Variants in ERBB3 observed in about 807,000 individuals in gnomAD.
ERBB3 encodes receptor tyrosine-protein kinase erbB-3.
ERBB3 carries 96 observed loss-of-function variants against 156.7 expected under a neutral mutation model. The ratio of observed to expected loss-of-function variants is 0.61; its 90% confidence interval spans 0.52 to 0.73. The LOEUF (loss-of-function observed/expected upper bound fraction) is 0.73, where lower values mean the gene tolerates loss of function less well. Among genes scored for constraint, ERBB3 ranks in the 30% least tolerant of loss-of-function variants. ERBB3 has a pLI of 0.00. For missense variants in ERBB3, 1,406 were observed against 1,709.4 expected (o/e 0.82, Z 3.13); for synonymous variants, 567 against 632.0 (o/e 0.90, Z 1.54).
At chr12:56,086,707 C>T (rs1452835029) in intron 4 of ERBB3, 51 bp downstream of exon 4, 1 of 1,610,936 alleles carries the variant, frequency 6.2e-7, no homozygotes, top group African/African-American at 1.3e-5. Context: ...ACCAGAGTGA[C>T]TCCCTTCTTT....
rs1869082984 is a variant in ERBB3, at chr12:56,101,160, G to GT, written c.3302dup (p.Thr1102AsnfsTer4). 1 of 1,614,020 alleles carries GT rather than the reference G, an allele frequency of 6.2e-7. No homozygotes were observed. The highest frequency in any genetic ancestry group is 1.7e-5 in the Admixed American group (1 of 60,000). On this transcript the variant is annotated frameshift_variant, in exon 27 of 28. Coordinates refer to ENST00000267101, the MANE Select transcript of ERBB3 (RefSeq NM_001982.4). LOFTEE classifies it high-confidence loss of function. Reference sequence around the variant, plus strand: ...GGCATCAGAGTCATCAGAGGGGCATGTAACAGGCTCTGAGGCTGAGCTCCA... The same window carrying GT: ...GGCATCAGAGTCATCAGAGGGGCATGTTAACAGGCTCTGAGGCTGAGCTCCA...
chr12:56,096,756 G>A lies in ERBB3; in HGVS notation c.2184G>A (p.Trp728Ter). ...GVFGTVHKGV[W>*]IPEGESIKIP... ...TGCCCCAAACTTCCCAGGGAGTGTG[G>A]ATCCCTGAGGGTGAATCAATCAAGA... Residue 728 changes from tryptophan (W) to a stop codon, truncating the protein, a stop_gained, in exon 19 of 28, where the codon TGG becomes TGA. Transcript: ENST00000267101. LOFTEE classifies it high-confidence loss of function. The A allele has an allele frequency of 6.2e-7, 1 of 1,613,144 alleles. No individual in the cohort carries two copies. The highest frequency in any genetic ancestry group is 8.5e-7 in the Non-Finnish European group (1 of 1,179,112).
At chr12:56,096,438 G>T (rs1868890199) in intron 17 of ERBB3, 65 bp from the exon 18 acceptor site, 1 of 1,607,294 alleles carries the variant, frequency 6.2e-7, no homozygotes. Context: ...CACCTATGAG[G>T]AGCGGGTTGG....
chr12:56,095,904 G>A (rs528782794), intron 17 of ERBB3, 98 bp downstream of exon 17: 3 of 1,324,868 alleles, frequency 2.3e-6, no homozygotes, highest in Non-Finnish European at 3.3e-6. Context: ...GTGCACCCAG[G>A]GGTCAGTGAT....
At position 56,101,511 on chromosome 12, in the gene ERBB3, T is replaced by G. The variant is rs764204711; in HGVS notation, c.3503-18T>G. On this transcript the variant is annotated intron_variant, in intron 27 of 27. Coordinates refer to ENST00000267101, the MANE Select transcript of ERBB3 (RefSeq NM_001982.4). ...CATGAAGTTCTTCACATACCTAGCC[T>G]TTCTTCTCAACCCCCAGGTACTCCC... is the stretch of plus-strand genomic sequence containing the variant. 6 of 1,612,970 alleles carry G rather than the reference T, an allele frequency of 3.7e-6. No individual in the cohort carries two copies. The highest frequency in any genetic ancestry group is 5.1e-6 in the Non-Finnish European group (6 of 1,179,524).
chr12:56,099,831 G>GAT lies in ERBB3; in HGVS notation c.2938-3_2938-2dup, dbSNP rs566285257. On this transcript the variant is annotated splice_polypyrimidine_tract_variant and splice_region_variant and intron_variant, in intron 24 of 27. Transcript: ENST00000267101. ...GGATTCCCCCTAACAATCACCTATC[G>GAT]ATATAGAGAGAGAGTGGGCCTGGAA... The GAT allele has an allele frequency of 1.2e-6, 2 of 1,613,836 alleles. No homozygotes were observed. The highest frequency in any genetic ancestry group is 1.7e-6 in the Non-Finnish European group (2 of 1,179,834).
At chr12:56,086,314 C>T (rs1446932923) in intron 3 of ERBB3, among the ~76,000 whole-genome samples, 1 of 152,062 alleles carries the variant, frequency 6.6e-6, no homozygotes, top group Non-Finnish European at 1.5e-5. Context: ...CTAGCTAAAC[C>T]GGATCTGGAC....
In ERBB3 at chr12:56,080,216, G is replaced by C. The variant is rs1322436141; in HGVS notation, c.-85G>C. 5 of 1,086,170 alleles carry C rather than the reference G, an allele frequency of 4.6e-6. No homozygotes were observed. Among genetic ancestry groups the C allele is most frequent in the Admixed American group, 4.0e-5 (2 of 49,960 alleles). The allele number at this position is 1,086,170 out of a possible 1,614,324, so 67.3% of individuals were successfully genotyped here. A position where few individuals can be genotyped will look rare whatever the true frequency, so the allele number is the denominator to read the frequency against. On this transcript the variant is annotated 5_prime_UTR_variant, in exon 1 of 28. Transcript: ENST00000267101. Reference sequence around the variant, plus strand: ...CCGCAGCAGCCACCAATTCGCCAGCGGTTCAGGTGGCTCTTGCCTCGATGT... The same window carrying C: ...CCGCAGCAGCCACCAATTCGCCAGCCGTTCAGGTGGCTCTTGCCTCGATGT...
In ERBB3 at chr12:56,094,567, G is replaced by A. The variant is rs374738957; in HGVS notation, c.1859+11G>A. On this transcript the variant is annotated intron_variant, in intron 15 of 27. Coordinates refer to ENST00000267101, the MANE Select transcript of ERBB3 (RefSeq NM_001982.4). ...GAACTGCACCCAGGGGTCAGTGATG[G>A]GATAATAAGGAGAGGGGGTCAGGTG... The A allele has an allele frequency of 3.7e-6, 6 of 1,613,364 alleles. No homozygotes were observed. The highest frequency in any genetic ancestry group is 5.1e-6 in the Non-Finnish European group (6 of 1,179,936).
At chr12:56,083,499 G>T in intron 1 of ERBB3, 2 of 518,758 alleles carry the variant, frequency 3.9e-6, no homozygotes, top group South Asian at 4.0e-5. Context: ...AAGCACAGAG[G>T]GGTCCCAGGT....
intron 11 of ERBB3, 47 bp downstream of exon 11, chr12:56,093,123 T>C: frequency 7.1e-7 from 1 of 1,405,478 alleles, no homozygotes; most frequent in Non-Finnish European, 1.0e-6. Context: ...CAATGAAGCC[T>C]GTGTCATAGG....
intron 9 of ERBB3, among the ~76,000 whole-genome samples, chr12:56,091,328 TAAA>T (rs376158864): frequency 0.029 from 6 of 208 alleles, no homozygotes; most frequent in Non-Finnish European, 0.051. Flanking sequence ...TATATATATA[TAAA>T]TAATATATAT....
intron 4 of ERBB3, 64 bp from the exon 5 acceptor site, chr12:56,087,513 C>T (rs1442073922): frequency 1.4e-5 from 19 of 1,344,560 alleles, no homozygotes; most frequent in Middle Eastern, 1.8e-4. Flanking sequence ...CATCATACCC[C>T]GTTGATTAAA....
chr12:56,087,983 C>T (rs771886822), intron 6 of ERBB3, 38 bp from the exon 7 acceptor site: 3 of 1,614,070 alleles, frequency 1.9e-6, no homozygotes, highest in Admixed American at 3.3e-5. Flanking sequence ...TAGGGGTACA[C>T]ACGTAACATA....
rs1201849218 is a variant in ERBB3, at chr12:56,103,198, T to C, written c.*1143T>C. The C allele has an allele frequency of 4.3e-6, 1 of 230,118 alleles. No homozygotes were observed. The highest frequency in any genetic ancestry group is 8.6e-6 in the Non-Finnish European group (1 of 115,950). The allele number at this position is 230,118 out of a possible 1,614,324, so 14.3% of individuals were successfully genotyped here. A position where few individuals can be genotyped will look rare whatever the true frequency, so the allele number is the denominator to read the frequency against. On this transcript the variant is annotated 3_prime_UTR_variant, in exon 28 of 28. Coordinates refer to ENST00000267101, the MANE Select transcript of ERBB3 (RefSeq NM_001982.4). ...TACCTAGACATCTCATCTCAGGAAG[T>C]GGTGGTGGGGGTAGTCAGAAGGAAA...
chr12:56,094,305 C>A, intron 14 of ERBB3, 97 bp from the exon 15 acceptor site: 1 of 1,494,050 alleles, frequency 6.7e-7, no homozygotes, highest in East Asian at 2.3e-5. Flanking sequence ...CTAGGGCCTG[C>A]AGATAGAAGA....
intron 1 of ERBB3, among the ~76,000 whole-genome samples, chr12:56,081,170 C>T (rs1053755111): frequency 2.6e-5 from 4 of 152,226 alleles, no homozygotes; most frequent in Non-Finnish European, 4.4e-5. Context: ...GGCACCTCTG[C>T]TACTTTCTAA....
At chr12:56,092,627 C>T (rs1868751568) in intron 9 of ERBB3, 120 bp from the exon 10 acceptor site, 1 of 783,302 alleles carries the variant, frequency 1.3e-6, no homozygotes, top group South Asian at 1.4e-5. Context: ...GCCATTTCTC[C>T]AAGGAATGTT....
chr12:56,099,874 C>T lies in ERBB3; in HGVS notation c.2974C>T (p.Pro992Ser), dbSNP rs769377225. The T allele has an allele frequency of 7.4e-6, 12 of 1,614,056 alleles. No homozygotes were observed. The highest frequency in any genetic ancestry group is 1.1e-5 in the South Asian group (1 of 91,078). ...GCCTGGAATAGCCCCTGGGCCAGAG[C>T]CCCATGGTCTGACAAACAAGAAGCT... ...SGPGIAPGPE[P>S]HGLTNKKLEE... is the part of the protein sequence containing the mutation. The change falls in exon 25 of 28, where the codon CCC becomes TCC. Residue 992 changes from proline to serine, a missense_variant. Physicochemically the swap from Pro to Ser is moderately conservative, Grantham distance 74. Coordinates refer to ENST00000267101, the MANE Select transcript of ERBB3 (RefSeq NM_001982.4).
Sources: allele counts gnomAD v4.1 joint callset (sites outside exome capture counted in the v4.1 genomes callset), GRCh38; gene constraint gnomAD v4.1.1; transcripts MANE v1.5; gene names NCBI Gene and HGNC (gene_info 2026-07-23, HGNC 2026-07-21).